The following TBC1D8B variants were observed in gnomAD, a reference collection of about 807,000 sequenced individuals.
The protein encoded by TBC1D8B is TBC1 domain family member 8B, also known as RP11-321G1.1.
In TBC1D8B, 75 loss-of-function variants were observed where a neutral mutation model predicts 82.9. That is an observed-to-expected ratio of 0.90 (90% CI 0.75 to 1.10). The LOEUF (loss-of-function observed/expected upper bound fraction) is 1.10, where lower values mean the gene tolerates loss of function less well. Among genes scored for constraint, TBC1D8B ranks in the 50% least tolerant of loss-of-function variants. TBC1D8B has a pLI of 0.00. For synonymous variants in TBC1D8B, 276 were observed against 276.8 expected, an observed-to-expected ratio of 1.00 and a Z score of 0.03; for missense variants, 794 against 796.9, an observed-to-expected ratio of 1.00 and a Z score of 0.04.
In TBC1D8B at chrX:106,822,144, T is replaced by C. The variant is rs483352744; in HGVS notation, c.528T>C (p.Gly176=). 1 of 1,210,143 alleles carries C rather than the reference T, an allele frequency of 8.3e-7. No homozygotes were observed. Among genetic ancestry groups the C allele is most frequent in the South Asian group, 1.8e-5 (1 of 56,620 alleles). The change falls in exon 4 of 21, where the codon GGT becomes GGC. Residue 176 remains glycine (G), a synonymous_variant. Coordinates refer to ENST00000357242, the MANE Select transcript of TBC1D8B (RefSeq NM_017752.3). ...GGAAAGGACGGGTTCCTTGTCAGGG[T>C]TGGCTTTATCTTAGCACCAACTTTC... ...SYWKGRVPCQ[G]WLYLSTNFLS...
chrX:106,804,816 G>A (rs140602194), intron 1 of TBC1D8B, among the ~76,000 whole-genome samples: 1,167 of 109,923 alleles, frequency 0.011, 17 homozygotes, highest in African/African-American at 0.036. Flanking sequence ...TTGAGCCTGG[G>A]AGGTCAAGGC....
At chrX:106,813,527 A>T (rs1602405711) in intron 1 of TBC1D8B, among the ~76,000 whole-genome samples, 2 of 111,917 alleles carry the variant, frequency 1.8e-5, no homozygotes, top group East Asian at 5.6e-4. Flanking sequence ...AGTGATTTTG[A>T]CTACTCCTCT....
Position 106,869,845 on chromosome X carries a change from G to A in TBC1D8B, c.2869+304G>A, listed in dbSNP as rs370030117. Among the ~76,000 whole-genome samples, 31 of 111,786 alleles carry A rather than the reference G, an allele frequency of 2.8e-4. No homozygotes were observed. In the Middle Eastern group the frequency reaches 0.028, roughly 100 times the overall value. ...ATATCCTTTTCAGATCTATTCCTAT[G>A]TATACACAATATATGCAGACATCTC... is the stretch of plus-strand genomic sequence containing the variant. On this transcript the variant is annotated intron_variant, in intron 19 of 20. Transcript: ENST00000357242.
At chrX:106,812,773 A>T (rs1266527951) in intron 1 of TBC1D8B, among the ~76,000 whole-genome samples, 5 of 112,204 alleles carry the variant, frequency 4.5e-5, no homozygotes, top group Non-Finnish European at 9.4e-5. Flanking sequence ...GGGGCAATTA[A>T]TACCATAGAT....
chrX:106,807,454 C>CTTTT (rs753069652), intron 1 of TBC1D8B, among the ~76,000 whole-genome samples: 2 of 85,688 alleles, frequency 2.3e-5, no homozygotes, highest in African/African-American at 8.8e-5. Context: ...TTACCCTCAC[C>CTTTT]TTTTTTTTTT....
chrX:106,871,295 A>G (rs1227588224), intron 20 of TBC1D8B, among the ~76,000 whole-genome samples: 1 of 111,207 alleles, frequency 9.0e-6, no homozygotes, highest in Admixed American at 9.6e-5. Flanking sequence ...TCTGGTTAGT[A>G]CAGATACTGA....
chrX:106,804,411 A>G, intron 1 of TBC1D8B, among the ~76,000 whole-genome samples: 1 of 111,937 alleles, frequency 8.9e-6, no homozygotes, highest in East Asian at 2.8e-4. Context: ...AAATATGGCA[A>G]CAAAAATTGC....
At chrX:106,851,153 G>A (rs1406184160) in intron 12 of TBC1D8B, among the ~76,000 whole-genome samples, 1 of 112,133 alleles carries the variant, frequency 8.9e-6, no homozygotes, top group Non-Finnish European at 1.9e-5. Flanking sequence ...ACTTTCGGAG[G>A]CCGAGGCAGG....
intron 1 of TBC1D8B, 29 bp downstream of exon 1, chrX:106,803,012 G>C: frequency 8.5e-7 from 1 of 1,175,074 alleles, no homozygotes; most frequent in Middle Eastern, 2.7e-4. Context: ...ACCTGCCTCT[G>C]GGCTGTGTTC....
At chrX:106,828,618 G>C (rs903158296) in intron 7 of TBC1D8B, 1 of 109,735 alleles carries the variant, frequency 9.1e-6, no homozygotes, top group South Asian at 3.9e-4. Flanking sequence ...TCATCCCTGG[G>C]ATGCAAGGCT....
intron 7 of TBC1D8B, among the ~76,000 whole-genome samples, chrX:106,838,351 T>C (rs1251193662): frequency 9.0e-6 from 1 of 111,558 alleles, no homozygotes; most frequent in Non-Finnish European, 1.9e-5. Context: ...GGTTATTCAG[T>C]GATGGGTTAG....
intron 13 of TBC1D8B, 77 bp downstream of exon 13, chrX:106,853,727 A>G (rs1932640853): frequency 1.0e-6 from 1 of 988,205 alleles, no homozygotes; most frequent in African/African-American, 1.9e-5. Context: ...CTAATGGTAT[A>G]TTAAGTGTAA....
intron 14 of TBC1D8B, among the ~76,000 whole-genome samples, chrX:106,862,074 T>A (rs1377870234): frequency 8.9e-6 from 1 of 112,206 alleles, no homozygotes; most frequent in African/African-American, 3.2e-5. Context: ...GCCTTCAATC[T>A]TTTTTGGCTT....
chrX:106,826,115 T>C lies in TBC1D8B; in HGVS notation c.913T>C (p.Cys305Arg). The change falls in exon 6 of 21, where the codon TGT becomes CGT. Residue 305 changes from cysteine (C) to arginine (R), a missense_variant. Cys to Arg is a radical substitution (Grantham distance 180). Coordinates refer to ENST00000357242, the MANE Select transcript of TBC1D8B (RefSeq NM_017752.3). Reference protein sequence around the residue: ...KGESLKEVHECFLWVPFSHFN... With the variant: ...KGESLKEVHERFLWVPFSHFN... The stretch of plus-strand genomic sequence containing the variant: ...AGAGAGTTTGAAAGAAGTACATGAA[T>C]GTTTCTTATGGGTACCATTCAGCCA... 8.3e-7 allele frequency: 1 copy of C among 1,210,690 alleles called. No individual in the cohort carries two copies. Among genetic ancestry groups the C allele is most frequent in the Non-Finnish European group, 1.1e-6 (1 of 894,840 alleles).
At chrX:106,812,449 T>C (rs1169680430) in intron 1 of TBC1D8B, among the ~76,000 whole-genome samples, 4 of 112,176 alleles carry the variant, frequency 3.6e-5, no homozygotes, top group Non-Finnish European at 7.5e-5. Context: ...TTGAACATTT[T>C]ACTTAGAATG....
chrX:106,865,613 T>C lies in TBC1D8B; in HGVS notation c.2407T>C (p.Tyr803His). 8.4e-7 allele frequency: 1 copy of C among 1,196,969 alleles called. No individual in the cohort carries two copies. Among genetic ancestry groups the C allele is most frequent in the Non-Finnish European group, 1.1e-6 (1 of 887,237 alleles). ...KLSLQELDEL[Y>H]VIFKKELFLS... ...GAGCCTTCAAGAATTGGATGAACTT[T>C]ATGTCATCTTTAAGGTACTGTTGTT... Residue 803 changes from tyrosine (Y) to histidine (H), a missense_variant, in exon 15 of 21, where the codon TAT (tyrosine) becomes CAT (histidine). By Grantham distance (83) the Tyr-to-His change is moderately conservative. Transcript: ENST00000357242.
chrX:106,864,606 C>T (rs1932801678), intron 14 of TBC1D8B, among the ~76,000 whole-genome samples: 2 of 104,942 alleles, frequency 1.9e-5, no homozygotes, highest in Admixed American at 1.0e-4. Flanking sequence ...GCAACCTCTG[C>T]CTCCCGGGTT....
chrX:106,854,240 T>A lies in TBC1D8B; in HGVS notation c.2296T>A (p.Cys766Ser). 1 of 1,197,981 alleles carries A rather than the reference T, an allele frequency of 8.3e-7. No homozygotes were observed. The highest frequency in any genetic ancestry group is 1.1e-6 in the Non-Finnish European group (1 of 889,966). Reference protein sequence around the residue: ...IRYEDIHSMRCRNRLYVIQTL... With the variant: ...IRYEDIHSMRSRNRLYVIQTL... The stretch of plus-strand genomic sequence containing the variant: ...CTATGAAGATATACATAGTATGCGC[T>A]GTCGAAATAGGTTGTATGTGATACA... The change falls in exon 14 of 21, where the codon TGT (cysteine) becomes AGT (serine). Residue 766 changes from cysteine to serine, a missense_variant. Physicochemically the swap from Cys to Ser is moderately radical, Grantham distance 112. Coordinates refer to ENST00000357242, the MANE Select transcript of TBC1D8B (RefSeq NM_017752.3).
chrX:106,827,140 T>C (rs1045503701), intron 6 of TBC1D8B, 30 bp from the exon 7 acceptor site: 2 of 1,189,178 alleles, frequency 1.7e-6, no homozygotes, highest in Non-Finnish European at 2.3e-6. Flanking sequence ...AAGGAAAATT[T>C]AATTGACCTC....
Sources: gnomAD v4.1 joint callset for allele counts (sites outside exome capture counted in the v4.1 genomes callset) on GRCh38, gnomAD v4.1.1 for gene constraint, MANE v1.5 for transcripts, NCBI Gene and HGNC (gene_info 2026-07-23, HGNC 2026-07-21) for gene names.